Variants in FBLN5 observed in about 807,000 individuals in gnomAD.
FBLN5 encodes the protein fibulin 5.
FBLN5 carries 24 observed loss-of-function variants against 61.6 expected under a neutral mutation model. The ratio of observed to expected loss-of-function variants is 0.39; its 90% CI spans 0.28 to 0.55. The LOEUF (loss-of-function observed/expected upper bound fraction) is 0.55, where lower values mean the gene tolerates loss of function less well. Ranked by LOEUF, FBLN5 falls within the 20% of genes least tolerant of loss-of-function variation. The pLI, the probability that FBLN5 is intolerant of heterozygous loss-of-function variation, is 0.65. For synonymous variants in FBLN5, 213 were observed against 219.8 expected (o/e 0.97, Z 0.27); for missense variants, 470 against 594.1 (o/e 0.79, Z 2.17).
chr14:91,925,460 G>A (rs572466762), intron 4 of FBLN5, among the ~76,000 whole-genome samples: 1 of 152,310 alleles, frequency 6.6e-6, no homozygotes, highest in South Asian at 2.1e-4. Context: ...ATGCTCCTCT[G>A]TTTCCAAGAC....
In FBLN5 at chr14:91,881,283, G is replaced by A. The variant is rs557362799; in HGVS notation, c.989+9C>T. 2.3e-4 allele frequency: 365 copies of A among 1,613,950 alleles called. No homozygotes were observed. Among genetic ancestry groups the A allele is most frequent in the Middle Eastern group, 1.7e-4 (1 of 6,058 alleles). On this transcript the variant is annotated intron_variant, in intron 9 of 10. Coordinates refer to ENST00000342058, the MANE Select transcript of FBLN5 (RefSeq NM_006329.4). ...GGTTTCTATTCCCCAGGGGGACGCCGTGACTTACTTATCACTGATCCTCAG... is the reference window on the plus strand; with the variant it reads ...GGTTTCTATTCCCCAGGGGGACGCCATGACTTACTTATCACTGATCCTCAG...
At chr14:91,877,433 G>A (rs1889219895) in intron 10 of FBLN5, 54 bp downstream of exon 10, 3 of 1,418,650 alleles carry the variant, frequency 2.1e-6, no homozygotes, top group Non-Finnish European at 2.0e-6. Flanking sequence ...TCCTAGGAGA[G>A]ACAGCACAAG....
chr14:91,888,367 G>A (rs548010742), intron 6 of FBLN5, among the ~76,000 whole-genome samples: 7 of 151,852 alleles, frequency 4.6e-5, no homozygotes, highest in Non-Finnish European at 8.8e-5. Context: ...CACTTTGGGA[G>A]GCCAAGGCAG....
chr14:91,944,258 CA>C (rs2056150747), intron 1 of FBLN5, among the ~76,000 whole-genome samples: 1 of 152,130 alleles, frequency 6.6e-6, no homozygotes, highest in Admixed American at 6.6e-5. Context: ...AATAAAAATA[CA>C]AAATCTCTAC....
At chr14:91,895,208 G>A (rs1890172777) in intron 4 of FBLN5, 136 bp from the exon 5 acceptor site, 1 of 1,009,030 alleles carries the variant, frequency 9.9e-7, no homozygotes, top group Non-Finnish European at 1.5e-6. Context: ...AGGTGGCAGT[G>A]CTTCCCCGAT....
At chr14:91,906,464 A>G (rs1028749855) in intron 4 of FBLN5, among the ~76,000 whole-genome samples, 7 of 152,196 alleles carry the variant, frequency 4.6e-5, no homozygotes, top group Non-Finnish European at 2.9e-5. Flanking sequence ...GGGTGGCCAC[A>G]TGCCCTGGGA....
chr14:91,898,058 A>G (rs1890297224), intron 4 of FBLN5, among the ~76,000 whole-genome samples: 2 of 152,198 alleles, frequency 1.3e-5, no homozygotes, highest in Non-Finnish European at 2.9e-5. Flanking sequence ...TCAAAAAATA[A>G]AAGAATTAAC....
In FBLN5 at chr14:91,947,468, T is replaced by C. The variant is rs2056203039; in HGVS notation, c.-239A>G. 1.6e-6 allele frequency: 1 copy of C among 613,030 alleles called. No homozygotes were observed. Among genetic ancestry groups the C allele is most frequent in the African/African-American group, 1.9e-5 (1 of 54,040 alleles). 38.0% of individuals were successfully genotyped at this position (613,030 alleles called of 1,614,324 possible). A position where few individuals can be genotyped will look rare whatever the true frequency, so the allele number is the denominator to read the frequency against. On this transcript the variant is annotated 5_prime_UTR_variant, in exon 1 of 11. An upstream open reading frame in the 5' UTR loses its in-frame stop. Transcript: ENST00000342058. The surrounding 1 kb of genome is among the most constrained non-coding windows in gnomAD (Gnocchi z 4.3). Reference sequence around the variant, plus strand: ...TTAGCCCTCTTCAGTAATTCAGCATTAAACCAATTGGAGGAGGAATGTTAA... The same window carrying C: ...TTAGCCCTCTTCAGTAATTCAGCATCAAACCAATTGGAGGAGGAATGTTAA...
At chr14:91,918,848 T>C (rs2055674778) in intron 4 of FBLN5, among the ~76,000 whole-genome samples, 1 of 152,124 alleles carries the variant, frequency 6.6e-6, no homozygotes, top group Non-Finnish European at 1.5e-5. Flanking sequence ...CACGAAGCTT[T>C]AATGAGTAAG....
intron 4 of FBLN5, among the ~76,000 whole-genome samples, chr14:91,906,465 T>C (rs1193010417): frequency 3.3e-5 from 5 of 152,144 alleles, no homozygotes; most frequent in African/African-American, 4.8e-5. Flanking sequence ...GGTGGCCACA[T>C]GCCCTGGGAG....
At chr14:91,918,939 C>G (rs1291928518) in intron 4 of FBLN5, among the ~76,000 whole-genome samples, 1 of 152,084 alleles carries the variant, frequency 6.6e-6, no homozygotes, top group African/African-American at 2.4e-5. Flanking sequence ...TTTGGGAACT[C>G]AGAGAAGAGG....
At position 91,870,315 on chromosome 14, in the gene FBLN5, T is replaced by C. The variant is rs2139936794; in HGVS notation, c.1256A>G (p.Asp419Gly). Residue 419 changes from aspartate to glycine, a missense_variant, in exon 11 of 11, where the codon GAC becomes GGC. Asp to Gly is a moderately conservative substitution (Grantham distance 94). Coordinates refer to ENST00000342058, the MANE Select transcript of FBLN5 (RefSeq NM_006329.4). ...PIKGPREIQLDLEMITVNTVI... is the reference protein window; with the variant it reads ...PIKGPREIQLGLEMITVNTVI... ...AGTGTTGACAGTGATCATTTCCAAGTCCAGCTGGATTTCCCGGGGCCCTTT... is the reference window on the plus strand; with the variant it reads ...AGTGTTGACAGTGATCATTTCCAAGCCCAGCTGGATTTCCCGGGGCCCTTT... The C allele has an allele frequency of 6.2e-7, 1 of 1,614,178 alleles. No individual in the cohort carries two copies. The highest frequency in any genetic ancestry group is 8.5e-7 in the Non-Finnish European group (1 of 1,180,016).
chr14:91,932,709 G>A (rs1458376359), intron 4 of FBLN5, among the ~76,000 whole-genome samples: 1 of 152,162 alleles, frequency 6.6e-6, no homozygotes, highest in Non-Finnish European at 1.5e-5. Context: ...AGAAAATATA[G>A]GGGACGAAGG....
chr14:91,899,126 T>A (rs1890350571), intron 4 of FBLN5, among the ~76,000 whole-genome samples: 1 of 147,140 alleles, frequency 6.8e-6, no homozygotes, highest in South Asian at 2.2e-4. Context: ...CTTTATGCTC[T>A]ACAGCGGCTG....
At chr14:91,871,992 A>G (rs953075897) in intron 10 of FBLN5, among the ~76,000 whole-genome samples, 1 of 152,194 alleles carries the variant, frequency 6.6e-6, no homozygotes, top group Non-Finnish European at 1.5e-5. Context: ...CTGAGCCAGA[A>G]TCTGTGGCTT....
At chr14:91,898,745 G>A (rs945700796) in intron 4 of FBLN5, among the ~76,000 whole-genome samples, 57 of 151,066 alleles carry the variant, frequency 3.8e-4, no homozygotes, top group African/African-American at 1.4e-3. Flanking sequence ...AGAATGCTGG[G>A]TGCATTCAAT....
At chr14:91,902,234 T>C (rs1595314412) in intron 4 of FBLN5, among the ~76,000 whole-genome samples, 2 of 151,978 alleles carry the variant, frequency 1.3e-5, no homozygotes, top group Middle Eastern at 6.9e-3. Context: ...AGGGGACAAG[T>C]CATGTCTAAT....
At chr14:91,901,189 C>T (rs2139993079) in intron 4 of FBLN5, among the ~76,000 whole-genome samples, 1 of 152,334 alleles carries the variant, frequency 6.6e-6, no homozygotes, top group Non-Finnish European at 1.5e-5. Flanking sequence ...CTGATTCTTG[C>T]CTCTTCCCAT....
intron 10 of FBLN5, among the ~76,000 whole-genome samples, chr14:91,871,223 A>AAC (rs1215294470): frequency 4.0e-5 from 6 of 150,814 alleles, no homozygotes; most frequent in East Asian, 1.9e-4. Context: ...CAGTAATTTA[A>AAC]AAAAAAAAAA....
Sources: gnomAD v4.1 joint callset for allele counts (sites outside exome capture counted in the v4.1 genomes callset) on GRCh38, gnomAD v4.1.1 for gene constraint, Gnocchi (gnomAD v3.1) non-coding constraint, MANE v1.5 for transcripts, NCBI Gene and HGNC (gene_info 2026-07-23, HGNC 2026-07-21) for gene names.